The following GDF5 variants were observed in gnomAD, a reference collection of about 807,000 sequenced individuals.
GDF5 encodes growth differentiation factor 5.
A neutral mutation model predicts 34.6 loss-of-function variants in GDF5; 17 were observed. The ratio of observed to expected loss-of-function variants is 0.49; its 90% CI spans 0.34 to 0.74. The LOEUF (loss-of-function observed/expected upper bound fraction) is 0.74. Ranked by LOEUF, GDF5 falls within the 30% of genes least tolerant of loss-of-function variation. The probability of loss-of-function intolerance (pLI) is 0.01; values close to 1 mark genes in which losing one functional copy is unlikely to be tolerated. For synonymous variants in GDF5, 332 were observed against 290.7 expected, an observed-to-expected ratio of 1.14 and a Z score of -1.44; for missense variants, 616 against 661.2, an observed-to-expected ratio of 0.93 and a Z score of 0.75.
intron 1 of GDF5, among the ~76,000 whole-genome samples, chr20:35,448,160 A>G (rs1009761089): frequency 6.6e-6 from 1 of 151,998 alleles, no homozygotes; most frequent in Non-Finnish European, 1.5e-5. Context: ...CCTTGTTGTC[A>G]TTCTTGAGCT....
intron 1 of GDF5, among the ~76,000 whole-genome samples, chr20:35,435,934 G>A (rs898201233): frequency 6.6e-6 from 1 of 152,136 alleles, no homozygotes; most frequent in African/African-American, 2.4e-5. Context: ...GAAGGTGTGT[G>A]TGCACATGCA....
chr20:35,446,933 G>A (rs1400608417), intron 1 of GDF5, among the ~76,000 whole-genome samples: 3 of 151,924 alleles, frequency 2.0e-5, no homozygotes, highest in Non-Finnish European at 4.4e-5. Flanking sequence ...GAGCAGAGCC[G>A]CCTCTGCCTA....
chr20:35,453,743 C>G lies in GDF5; in HGVS notation c.-398+897G>C, dbSNP rs775264861. 5.5e-4 allele frequency among the ~76,000 whole-genome samples: 83 copies of G among 152,208 alleles called. 3 individuals are homozygous for G. The highest frequency in any genetic ancestry group is 1.0e-4 in the Non-Finnish European group (7 of 68,038). On this transcript the variant is annotated intron_variant, in intron 1 of 3. Transcript: ENST00000374372. ...CTTACAGGAGAAAGATAAAATATAG[C>G]TTTTAAGCGTTCCTTTCTCAGGTTA...
upstream of GDF5, chr20:35,438,358 T>TCACACACACACACACACACACA (rs3055779): frequency 6.3e-6 from 1 of 159,724 alleles, no homozygotes. Flanking sequence ...TGAAAATACT[T>TCACACACACACACACACACACA]CACACACACA....
At position 35,434,325 on chromosome 20, in the gene GDF5, G is replaced by T; in HGVS notation, c.1090C>A (p.Gln364Lys). 1 of 1,614,026 alleles carries T rather than the reference G, an allele frequency of 6.2e-7. No homozygotes were observed. Among genetic ancestry groups the T allele is most frequent in the Non-Finnish European group, 8.5e-7 (1 of 1,180,032 alleles). Residue 364 changes from glutamine (Q) to lysine (K), a missense_variant, in exon 2 of 2, where the codon CAG becomes AAG. Transcript: ENST00000374369. ...TACTCATACACGGTCTTATCGTCCT[G>T]GCCAGAGCGGGCCTTAATCTCATTA... Reference protein sequence around the residue: ...FFNEIKARSGQDDKTVYEYLF... With the variant: ...FFNEIKARSGKDDKTVYEYLF...
upstream of GDF5, among the ~76,000 whole-genome samples, chr20:35,440,149 T>C (rs916273866): frequency 7.3e-5 from 11 of 151,308 alleles, no homozygotes; most frequent in African/African-American, 2.7e-4. Context: ...GCTCCTGACC[T>C]CAAGTGATCC....
At chr20:35,448,397 C>T (rs1030623622) in intron 1 of GDF5, among the ~76,000 whole-genome samples, 2 of 110,524 alleles carry the variant, frequency 1.8e-5, no homozygotes, top group African/African-American at 3.7e-5. Flanking sequence ...TTGTTTTTTT[C>T]AAAAAAAAAA....
chr20:35,448,553 T>C (rs912966243), intron 1 of GDF5, among the ~76,000 whole-genome samples: 1 of 150,998 alleles, frequency 6.6e-6, no homozygotes, highest in African/African-American at 2.4e-5. Context: ...AAGCGATTCT[T>C]GTGCCTCAGC....
Position 35,434,192 on chromosome 20 carries a change from T to C in GDF5, c.1223A>G (p.Asn408Ser), listed in dbSNP as rs776506545. The part of the protein sequence containing the change: ...ARCSRKALHV[N>S]FKDMGWDDWI... The stretch of plus-strand genomic sequence containing the variant: ...GTCGTCCCAGCCCATGTCCTTGAAG[T>C]TGACATGCAGTGCCTTCCGACTGCA... Residue 408 changes from asparagine to serine, a missense_variant, in exon 2 of 2, where the codon AAC becomes AGC. By Grantham distance (46) the Asn-to-Ser change is conservative. Transcript: ENST00000374369. 2 of 1,614,204 alleles carry C rather than the reference T, an allele frequency of 1.2e-6. No homozygotes were observed. The highest frequency in any genetic ancestry group is 4.5e-5 in the East Asian group (2 of 44,872).
chr20:35,444,371 C>A (rs976100018), intron 1 of GDF5, among the ~76,000 whole-genome samples: 3 of 152,084 alleles, frequency 2.0e-5, no homozygotes, highest in African/African-American at 7.2e-5. Flanking sequence ...AGTGAGAAAA[C>A]GAGACATACT....
At chr20:35,451,056 A>ATATATATATATATATATATAT (rs2062530262) in intron 1 of GDF5, among the ~76,000 whole-genome samples, 1 of 67,036 alleles carries the variant, frequency 1.5e-5, no homozygotes, top group Non-Finnish European at 2.8e-5. Flanking sequence ...AAAAAAAAAA[A>ATATATATATATATATATATAT]AAAAAAAAAT....
At chr20:35,437,261 C>T (rs1213597804) in intron 1 of GDF5, 37 bp downstream of exon 1, 4 of 1,404,438 alleles carry the variant, frequency 2.8e-6, no homozygotes, top group Non-Finnish European at 4.0e-6. Context: ...AGATGCCCCT[C>T]CCTCTGAGCC....
intron 1 of GDF5, among the ~76,000 whole-genome samples, chr20:35,436,597 G>C (rs2062473776): frequency 6.6e-6 from 1 of 152,174 alleles, no homozygotes; most frequent in African/African-American, 2.4e-5. Flanking sequence ...GTAGTCTCTG[G>C]AGTTAATGAG....
upstream of GDF5, among the ~76,000 whole-genome samples, chr20:35,442,604 G>A (rs964000257): frequency 7.1e-6 from 1 of 141,278 alleles, no homozygotes; most frequent in Non-Finnish European, 1.5e-5. Context: ...AGAGTGCAGT[G>A]GCTCAATCTC....
In GDF5 at chr20:35,450,303, A is replaced by G. The variant is rs972549744; in HGVS notation, c.-398+4337T>C. 4.2e-3 allele frequency among the ~76,000 whole-genome samples: 587 copies of G among 139,754 alleles called. 2 individuals carry two copies. Among genetic ancestry groups the G allele is most frequent in the African/African-American group, 0.011 (405 of 38,156 alleles). 91.7% of individuals were successfully genotyped at this position (139,754 alleles called of 152,430 possible). On this transcript the variant is annotated intron_variant, in intron 1 of 3. Transcript: ENST00000374372. Reference sequence around the variant, plus strand: ...CCTGGGCTACAAAGTGAGACTCTGTAAAAAAAAAAAAAAAGAATGGACTCA... The same window carrying G: ...CCTGGGCTACAAAGTGAGACTCTGTGAAAAAAAAAAAAAAGAATGGACTCA...
chr20:35,449,281 A>ATT lies in GDF5; in HGVS notation c.-398+5357_-398+5358dup, dbSNP rs11481611. Among the ~76,000 whole-genome samples the ATT allele has an allele frequency of 1.7e-4, 26 of 148,770 alleles. 1 individual carries two copies. The South Asian group carries it at 1.9e-3, about 11-fold the overall frequency. ...ACCATGCCTGGCTTGTCTGCTTAGC[A>ATT]TTTTTTTTTTTTGAGACAGGGTCTT... is the stretch of plus-strand genomic sequence containing the variant. On this transcript the variant is annotated intron_variant, in intron 1 of 3. Coordinates refer to the GDF5 transcript ENST00000374372.
Position 35,433,971 on chromosome 20 carries a change from CAG to C in GDF5, c.1442_1443del (p.Ser481CysfsTer7). On this transcript the variant is annotated frameshift_variant, in exon 2 of 2. Coordinates refer to ENST00000374369, the MANE Select transcript of GDF5 (RefSeq NM_000557.5). LOFTEE classifies it high-confidence loss of function. ...TACTGCTTATACACCACGTTGTTGG[CAG>C]AGTCAATGAAGAGGATGCTGATGGG... ...LSPISILFIDSANNVVYKQYE... is the reference protein window; with the variant it reads ...LSPISILFIDXANNVVYKQYE... 1.2e-6 allele frequency: 2 copies of C among 1,614,040 alleles called. No homozygotes were observed. The highest frequency in any genetic ancestry group is 2.2e-5 in the South Asian group (2 of 91,080).
rs1601069559 is a variant in GDF5, at chr20:35,433,610, T to G, written c.*299A>C. On this transcript the variant is annotated 3_prime_UTR_variant, in exon 2 of 2. Transcript: ENST00000374369. Reference sequence around the variant, plus strand: ...AGGTGAGGAGAAATGGTGGGCTGAGTCTCATCGGAAAGCACTGTTTCCTGG... The same window carrying G: ...AGGTGAGGAGAAATGGTGGGCTGAGGCTCATCGGAAAGCACTGTTTCCTGG... 1 of 442,926 alleles carries G rather than the reference T, an allele frequency of 2.3e-6. No homozygotes were observed. Among genetic ancestry groups the G allele is most frequent in the East Asian group, 4.8e-5 (1 of 20,998 alleles). The allele number at this position is 442,926 out of a possible 1,614,324, so 27.4% of individuals were successfully genotyped here.
In GDF5 at chr20:35,434,333, C is replaced by T. The variant is rs1319557108; in HGVS notation, c.1082G>A (p.Arg361His). The change falls in exon 2 of 2, where the codon CGC (arginine) becomes CAC (histidine). Residue 361 changes from arginine to histidine, a missense_variant. Arg to His is a conservative substitution (Grantham distance 29). Transcript: ENST00000374369. ...CACGGTCTTATCGTCCTGGCCAGAG[C>T]GGGCCTTAATCTCATTAAAGAACAG... ...RDLFFNEIKA[R>H]SGQDDKTVYE... The T allele has an allele frequency of 2.5e-6, 4 of 1,613,956 alleles. No individual in the cohort carries two copies. The highest frequency in any genetic ancestry group is 2.2e-5 in the East Asian group (1 of 44,886).
Sources: gnomAD v4.1 joint callset for allele counts (sites outside exome capture counted in the v4.1 genomes callset) on GRCh38, gnomAD v4.1.1 for gene constraint, MANE v1.5 for transcripts, NCBI Gene and HGNC (gene_info 2026-07-23, HGNC 2026-07-21) for gene names.